Variants in ASCC2 observed in about 807,000 individuals in gnomAD.
The protein encoded by ASCC2 is activating signal cointegrator 1 complex subunit 2, also known as ASC-1 complex subunit P100.
ASCC2 carries 42 observed loss-of-function variants against 93.5 expected under a neutral mutation model. The observed-to-expected ratio is 0.45, with a 90% CI of 0.35 to 0.58. ASCC2 has a LOEUF of 0.58. ASCC2 is among the 20% of genes least tolerant of loss of function. ASCC2 has a pLI of 0.00. For synonymous variants in ASCC2, 364 were observed against 384.2 expected, an observed-to-expected ratio of 0.95 and a Z score of 0.62; for missense variants, 859 against 977.6, an observed-to-expected ratio of 0.88 and a Z score of 1.62.
At chr22:29,832,585 C>A in intron 1 of ASCC2, 3 of 329,692 alleles carry the variant, frequency 9.1e-6, no homozygotes, top group Admixed American at 4.6e-5. Flanking sequence ...TATTTCCACC[C>A]ACTTTTTTTT....
chr22:29,806,794 T>C lies in ASCC2; in HGVS notation c.1016+3A>G. 3 of 1,607,012 alleles carry C rather than the reference T, an allele frequency of 1.9e-6. No individual in the cohort carries two copies. The highest frequency in any genetic ancestry group is 2.6e-6 in the Non-Finnish European group (3 of 1,173,588). On this transcript the variant is annotated splice_donor_region_variant and intron_variant, in intron 10 of 19. Coordinates refer to ENST00000307790, the MANE Select transcript of ASCC2 (RefSeq NM_032204.5). ...CACCAGGAGGCAATTCGTGAGGGCT[T>C]ACCTGCTTTCTAGGATGGGAAGGAG... is the stretch of plus-strand genomic sequence containing the variant.
At chr22:29,803,200 G>C (rs191680369) in intron 13 of ASCC2, among the ~76,000 whole-genome samples, 69 of 149,170 alleles carry the variant, frequency 4.6e-4, no homozygotes, top group Non-Finnish European at 7.1e-4. Context: ...GCAGTAAGCA[G>C]AGATCGCACT....
intron 6 of ASCC2, among the ~76,000 whole-genome samples, 196 bp from the exon 7 acceptor site, chr22:29,814,963 T>C (rs1043700432): frequency 1.3e-5 from 2 of 152,148 alleles, no homozygotes; most frequent in African/African-American, 4.8e-5. Context: ...ATGGGGATGA[T>C]GGGAGCATCC....
At chr22:29,792,379 T>C (rs1426036372) in intron 18 of ASCC2, 54 bp downstream of exon 18, 1 of 1,604,408 alleles carries the variant, frequency 6.2e-7, no homozygotes, top group African/African-American at 1.3e-5. Context: ...GCCCTTCTGA[T>C]TCACCCCTCA....
intron 12 of ASCC2, among the ~76,000 whole-genome samples, chr22:29,805,803 T>A (rs1569386330): frequency 6.6e-6 from 1 of 151,804 alleles, no homozygotes; most frequent in Non-Finnish European, 1.5e-5. Flanking sequence ...TTCTTCTGCT[T>A]GGACATCATT....
intron 15 of ASCC2, among the ~76,000 whole-genome samples, chr22:29,794,492 A>AAAAT (rs1216266394): frequency 6.6e-6 from 1 of 152,078 alleles, no homozygotes. Flanking sequence ...ACTCCATCTC[A>AAAAT]AAATAAATAA....
intron 17 of ASCC2, 119 bp downstream of exon 17, chr22:29,793,241 G>A (rs1444092688): frequency 7.1e-6 from 10 of 1,407,762 alleles, no homozygotes; most frequent in Non-Finnish European, 8.8e-6. Flanking sequence ...TGGATTAGGA[G>A]TCAGGAGGAC....
chr22:29,805,504 C>T (rs749299806), intron 12 of ASCC2, among the ~76,000 whole-genome samples: 1 of 152,198 alleles, frequency 6.6e-6, no homozygotes, highest in Non-Finnish European at 1.5e-5. Flanking sequence ...AAGTATAGAA[C>T]TGCCCATGTC....
At chr22:29,823,230 G>A (rs911677639) in intron 4 of ASCC2, among the ~76,000 whole-genome samples, 1 of 151,390 alleles carries the variant, frequency 6.6e-6, no homozygotes. Flanking sequence ...GTAGAGACAG[G>A]GTTTTGCCAT....
At chr22:29,822,127 T>C in intron 5 of ASCC2, 2 of 626,392 alleles carry the variant, frequency 3.2e-6, no homozygotes, top group East Asian at 3.0e-5. Context: ...AACTGTCTGG[T>C]ACACAGTTTT....
At position 29,838,203 on chromosome 22, in the gene ASCC2, T is replaced by TGCCGCCGCC. The variant is rs3838960; in HGVS notation, c.-52_-44dup. 0.01 allele frequency: 4,684 copies of TGCCGCCGCC among 459,018 alleles called. 91 individuals carry two copies. The highest frequency in any genetic ancestry group is 0.05 in the African/African-American group (2,493 of 49,788). The allele number at this position is 459,018 out of a possible 1,614,324, so 28.4% of individuals were successfully genotyped here. A position where few individuals can be genotyped will look rare whatever the true frequency, so the allele number is the denominator to read the frequency against. ...CTCGGCGGCTCCACCACCGGCTCTG[T>TGCCGCCGCC]GCCGCCGCCGCCGCCGCCGCCGCCG... On this transcript the variant is annotated 5_prime_UTR_variant, in exon 1 of 20. Transcript: ENST00000307790.
chr22:29,827,720 C>A, intron 2 of ASCC2: 1 of 421,480 alleles, frequency 2.4e-6, no homozygotes, highest in South Asian at 1.8e-5. Flanking sequence ...TTACCTCTTC[C>A]CTCACTTCTC....
At chr22:29,799,196 A>C (rs2058787334) in intron 15 of ASCC2, 1 of 152,274 alleles carries the variant, frequency 6.6e-6, no homozygotes, top group African/African-American at 2.4e-5. Context: ...GGAACTTACC[A>C]ATCAGGCTTC....
intron 13 of ASCC2, among the ~76,000 whole-genome samples, chr22:29,802,797 C>T (rs1177026938): frequency 1.3e-5 from 2 of 151,314 alleles, no homozygotes; most frequent in African/African-American, 4.9e-5. Context: ...ATTAGCCAGG[C>T]GTGGTGGCAT....
chr22:29,794,023 C>T (rs1261215321), intron 15 of ASCC2, among the ~76,000 whole-genome samples: 3 of 151,820 alleles, frequency 2.0e-5, no homozygotes, highest in Admixed American at 1.3e-4. Context: ...CTCAGCCTCC[C>T]GTGTAGCTGG....
intron 1 of ASCC2, 108 bp from the exon 2 acceptor site, chr22:29,832,450 C>A (rs182126638): frequency 8.5e-6 from 7 of 827,282 alleles, no homozygotes; most frequent in Admixed American, 8.1e-5. Context: ...AACCTCTCGC[C>A]TTAGGAGGCT....
chr22:29,822,537 G>C, intron 4 of ASCC2, 73 bp from the exon 5 acceptor site: 1 of 1,550,188 alleles, frequency 6.5e-7, no homozygotes, highest in Non-Finnish European at 8.8e-7. Flanking sequence ...AAACTCATGA[G>C]AAACGATCTT....
At chr22:29,799,949 G>A (rs930155438) in intron 15 of ASCC2, among the ~76,000 whole-genome samples, 2 of 152,068 alleles carry the variant, frequency 1.3e-5, no homozygotes, top group Non-Finnish European at 2.9e-5. Context: ...CAGCACACCC[G>A]GCTAATTTTT....
chr22:29,806,097 G>C (rs138747772), intron 12 of ASCC2, 119 bp downstream of exon 12: 5 of 1,117,456 alleles, frequency 4.5e-6, no homozygotes, highest in Non-Finnish European at 6.7e-6. Context: ...TCGGACAGCT[G>C]GCTGACCCAT....
Sources: allele counts gnomAD v4.1 joint callset (sites outside exome capture counted in the v4.1 genomes callset), GRCh38; gene constraint gnomAD v4.1.1; transcripts MANE v1.5; gene names NCBI Gene and HGNC (gene_info 2026-07-23, HGNC 2026-07-21).